The following CLYBL variants were observed in gnomAD, a reference collection of about 807,000 sequenced individuals.
The protein encoded by CLYBL is citramalyl-CoA lyase, mitochondrial.
A neutral mutation model predicts 38.9 loss-of-function variants in CLYBL; 31 were observed. The ratio of observed to expected loss-of-function variants is 0.80; its 90% confidence interval spans 0.60 to 1.08. The LOEUF is 1.08. Among genes scored for constraint, CLYBL ranks in the 50% least tolerant of loss-of-function variants. CLYBL has a pLI of 0.00. For synonymous variants in CLYBL, 171 were observed against 158.6 expected, an observed-to-expected ratio of 1.08 and a Z score of -0.59; for missense variants, 434 against 411.6, an observed-to-expected ratio of 1.05 and a Z score of -0.47.
In CLYBL at chr13:99,634,905, C is replaced by T. The variant is rs545659705; in HGVS notation, c.62+28148C>T. On this transcript the variant is annotated intron_variant, in intron 1 of 8. Coordinates refer to ENST00000339105, the MANE Select transcript of CLYBL (RefSeq NM_206808.5). Reference sequence around the variant, plus strand: ...TCTCTGGCCTTGGGCACCTTCTTTCCATTGCTAGGTCTTCTTCCCCATCCC... The same window carrying T: ...TCTCTGGCCTTGGGCACCTTCTTTCTATTGCTAGGTCTTCTTCCCCATCCC... Among the ~76,000 whole-genome samples the T allele has an allele frequency of 6.8e-4, 104 of 152,268 alleles. 1 individual carries two copies. Among genetic ancestry groups the T allele is most frequent in the African/African-American group, 2.5e-3 (103 of 41,564 alleles).
At chr13:99,850,513 A>C (rs1238135017) in intron 2 of CLYBL, among the ~76,000 whole-genome samples, 1 of 152,238 alleles carries the variant, frequency 6.6e-6, no homozygotes, top group Non-Finnish European at 1.5e-5. Context: ...GTATCAATAA[A>C]ATAGAAAATA....
rs565837407 is a variant in CLYBL, at chr13:99,813,307, C to T, written c.249+40297C>T. Among the ~76,000 whole-genome samples, 4 of 152,264 alleles carry T rather than the reference C, an allele frequency of 2.6e-5. No individual in the cohort carries two copies. In the South Asian group the frequency reaches 8.3e-4, roughly 32 times the overall value. ...TCATTTGCATCTGACATTAATAAGC[C>T]CTTTCTGGCTTTCACGTTTCCATTT... On this transcript the variant is annotated intron_variant, in intron 2 of 8. Transcript: ENST00000339105.
At chr13:99,850,554 G>A (rs1157658666) in intron 2 of CLYBL, among the ~76,000 whole-genome samples, 1 of 152,206 alleles carries the variant, frequency 6.6e-6, no homozygotes, top group Non-Finnish European at 1.5e-5. Context: ...GGAGAAATAT[G>A]AATCCTGGTG....
chr13:99,870,606 C>T (rs1241508256), intron 6 of CLYBL, among the ~76,000 whole-genome samples: 1 of 152,112 alleles, frequency 6.6e-6, no homozygotes, highest in Non-Finnish European at 1.5e-5. Context: ...AGACATTATC[C>T]TTTAAAGTCC....
At chr13:99,784,513 G>A (rs184620450) in intron 2 of CLYBL, among the ~76,000 whole-genome samples, 31 of 131,544 alleles carry the variant, frequency 2.4e-4, no homozygotes, top group African/African-American at 8.6e-4. Flanking sequence ...GGAGTGCAGT[G>A]GCTCAATCTT....
At chr13:99,870,909 TGG>T (rs2051873858) in intron 6 of CLYBL, 27 bp from the exon 7 acceptor site, 1 of 1,566,516 alleles carries the variant, frequency 6.4e-7, no homozygotes, top group East Asian at 2.3e-5. Flanking sequence ...CGTTGTTTCG[TGG>T]TTCCGATGTT....
chr13:99,701,972 G>C (rs2048073653), intron 1 of CLYBL, among the ~76,000 whole-genome samples: 1 of 152,154 alleles, frequency 6.6e-6, no homozygotes, highest in African/African-American at 2.4e-5. Context: ...AAGGAGTGAA[G>C]TGATACCCCC....
chr13:99,789,372 TG>T (rs1448074190), intron 2 of CLYBL, among the ~76,000 whole-genome samples: 4 of 152,240 alleles, frequency 2.6e-5, no homozygotes, highest in Admixed American at 2.6e-4. Flanking sequence ...ACTTTAAATG[TG>T]TCCCAGAGAT....
At chr13:99,666,134 G>T (rs1414699215) in intron 1 of CLYBL, among the ~76,000 whole-genome samples, 1 of 152,132 alleles carries the variant, frequency 6.6e-6, no homozygotes, top group Non-Finnish European at 1.5e-5. Context: ...GTGGTCCTTG[G>T]GCTTTGGAAT....
chr13:99,832,997 TACATAC>T (rs2050838335), intron 2 of CLYBL, among the ~76,000 whole-genome samples: 3 of 56,072 alleles, frequency 5.4e-5, no homozygotes, highest in Non-Finnish European at 7.6e-5. Flanking sequence ...AGTATATACA[TACATAC>T]ATACATATAT....
chr13:99,899,527 A>G (rs904750875), downstream of CLYBL, among the ~76,000 whole-genome samples: 5 of 152,120 alleles, frequency 3.3e-5, no homozygotes, highest in Admixed American at 1.3e-4. Flanking sequence ...GGGTGGGGCA[A>G]TGGGGAGTTA....
At chr13:99,611,631 T>A (rs2046628187) in intron 1 of CLYBL, among the ~76,000 whole-genome samples, 1 of 152,206 alleles carries the variant, frequency 6.6e-6, no homozygotes, top group African/African-American at 2.4e-5. Context: ...ATTAGGATGG[T>A]GATGGTCACA....
At chr13:99,847,594 G>A (rs934459378) in intron 2 of CLYBL, among the ~76,000 whole-genome samples, 1 of 152,268 alleles carries the variant, frequency 6.6e-6, no homozygotes, top group African/African-American at 2.4e-5. Context: ...CAGGGAGTGG[G>A]TCCACATGCT....
chr13:99,682,538 C>G (rs2047751830), intron 1 of CLYBL, among the ~76,000 whole-genome samples: 1 of 152,078 alleles, frequency 6.6e-6, no homozygotes, highest in Non-Finnish European at 1.5e-5. Flanking sequence ...TCACAGAAGG[C>G]TCTTACCATG....
Position 99,716,169 on chromosome 13 carries a change from ATTTTTTT to A in CLYBL, c.63-56623_63-56617del, listed in dbSNP as rs4001024. On this transcript the variant is annotated intron_variant, in intron 1 of 8. Transcript: ENST00000339105. ...AAATTGTCCTTGCTTTATTGGTGTA[ATTTTTTT>A]TTTTTTTTTTTTTTTTTTTTTTTTT... is the stretch of plus-strand genomic sequence containing the variant. 9.5e-3 allele frequency among the ~76,000 whole-genome samples: 318 copies of A among 33,358 alleles called. 2 individuals are homozygous for A. The highest frequency in any genetic ancestry group is 0.023 in the African/African-American group (228 of 10,036). The allele number at this position is 33,358 out of a possible 152,430, so 21.9% of individuals were successfully genotyped here.
chr13:99,637,587 C>G (rs146411023), intron 1 of CLYBL, among the ~76,000 whole-genome samples: 34 of 152,202 alleles, frequency 2.2e-4, no homozygotes, highest in African/African-American at 7.9e-4. Context: ...ATGGTGAAAC[C>G]CTGTCTTTAC....
chr13:99,881,665 G>C (rs959353995), intron 7 of CLYBL, among the ~76,000 whole-genome samples: 1 of 151,340 alleles, frequency 6.6e-6, no homozygotes, highest in Non-Finnish European at 1.5e-5. Context: ...GGGCTTAGGC[G>C]ATCCTCCCGT....
intron 2 of CLYBL, among the ~76,000 whole-genome samples, chr13:99,841,952 A>G (rs1246594729): frequency 6.6e-6 from 1 of 150,964 alleles, no homozygotes; most frequent in Non-Finnish European, 1.5e-5. Context: ...AGTAGCTGGG[A>G]TTACAGGTGC....
chr13:99,615,327 T>C (rs973964879), intron 1 of CLYBL, among the ~76,000 whole-genome samples: 1 of 152,256 alleles, frequency 6.6e-6, no homozygotes, highest in Non-Finnish European at 1.5e-5. Context: ...AGGAAGCCCA[T>C]AGTGCTGGTA....
Sources: allele counts gnomAD v4.1 joint callset (sites outside exome capture counted in the v4.1 genomes callset), GRCh38; gene constraint gnomAD v4.1.1; transcripts MANE v1.5; gene names NCBI Gene and HGNC (gene_info 2026-07-23, HGNC 2026-07-21).